Variants in DPP8 observed in about 807,000 individuals in gnomAD.
The protein encoded by DPP8 is dipeptidyl peptidase 8.
DPP8 carries 31 observed loss-of-function variants against 107.5 expected under a neutral mutation model. The observed-to-expected ratio is 0.29, with a 90% CI of 0.22 to 0.39. DPP8 has a LOEUF of 0.39. DPP8 is among the 10% of genes least tolerant of loss of function. The pLI is 1.00. For synonymous variants in DPP8, 381 were observed against 356.6 expected (o/e 1.07, Z -0.77); for missense variants, 842 against 1,076.1 (o/e 0.78, Z 3.04).
chr15:65,516,793 A>G (rs936039789), intron 1 of DPP8: 83 of 152,234 alleles, frequency 5.5e-4, no homozygotes, highest in African/African-American at 2.0e-3. Context: ...TAGGGTCCAC[A>G]CCTAGTTGAG....
chr15:65,466,039 G>A (rs916927755), intron 14 of DPP8, among the ~76,000 whole-genome samples: 1 of 152,144 alleles, frequency 6.6e-6, no homozygotes, highest in Non-Finnish European at 1.5e-5. Context: ...AGTCTTACTA[G>A]TTCAGAATAC....
At chr15:65,512,040 T>G in intron 2 of DPP8, 1 of 617,764 alleles carries the variant, frequency 1.6e-6, no homozygotes, top group East Asian at 3.4e-5. Flanking sequence ...TCAAGCTAGC[T>G]TTAGGAAGAA....
At chr15:65,477,917 T>G (rs2066549499) in intron 11 of DPP8, among the ~76,000 whole-genome samples, 1 of 152,166 alleles carries the variant, frequency 6.6e-6, no homozygotes, top group Admixed American at 6.6e-5. Flanking sequence ...TATCATAAAG[T>G]GCTTCCTATT....
intron 12 of DPP8, among the ~76,000 whole-genome samples, chr15:65,469,348 C>T (rs1346136971): frequency 6.9e-6 from 1 of 144,486 alleles, no homozygotes; most frequent in East Asian, 2.0e-4. Flanking sequence ...TGAGAACCAC[C>T]CTTAACAATA....
chr15:65,450,021 G>A (rs1306231772), intron 19 of DPP8, among the ~76,000 whole-genome samples: 1 of 151,754 alleles, frequency 6.6e-6, no homozygotes, highest in African/African-American at 2.4e-5. Context: ...AGGCTGGAGT[G>A]CAATAGCGCG....
At chr15:65,502,187 C>A (rs532772513) in intron 3 of DPP8, among the ~76,000 whole-genome samples, 3 of 152,226 alleles carry the variant, frequency 2.0e-5, no homozygotes, top group African/African-American at 7.2e-5. Context: ...CCAAGCCTGG[C>A]CCTCATGAAA....
At chr15:65,476,980 T>C (rs1283231546) in intron 11 of DPP8, among the ~76,000 whole-genome samples, 1 of 152,044 alleles carries the variant, frequency 6.6e-6, no homozygotes, top group Non-Finnish European at 1.5e-5. Flanking sequence ...AAATAAGACA[T>C]CTAGAGTAGT....
intron 12 of DPP8, among the ~76,000 whole-genome samples, chr15:65,472,418 C>G (rs1468745731): frequency 6.6e-6 from 1 of 152,038 alleles, no homozygotes; most frequent in African/African-American, 2.4e-5. Context: ...CTCAGCCTTC[C>G]AACTAGCTGG....
Position 65,487,731 on chromosome 15 carries a change from A to G in DPP8, c.914T>C (p.Leu305Ser). ...VEIIHVTSPMLETRRADSFRY... is the reference protein window; with the variant it reads ...VEIIHVTSPMSETRRADSFRY... The stretch of plus-strand genomic sequence containing the variant: ...GAATGAATCTGCCCTCCTTGTTTCC[A>G]ACATAGGGGATGTAACATGAATAAT... Residue 305 changes from leucine (L) to serine (S), a missense_variant, in exon 7 of 20, where the codon TTG becomes TCG. Coordinates refer to ENST00000300141, the MANE Select transcript of DPP8 (RefSeq NM_130434.5). The G allele has an allele frequency of 6.2e-7, 1 of 1,609,730 alleles. No homozygotes were observed. Among genetic ancestry groups the G allele is most frequent in the East Asian group, 2.2e-5 (1 of 44,714 alleles).
At chr15:65,453,922 A>G (rs2064183854) in intron 17 of DPP8, among the ~76,000 whole-genome samples, 1 of 152,126 alleles carries the variant, frequency 6.6e-6, no homozygotes, top group African/African-American at 2.4e-5. Flanking sequence ...AGCCTAGCCA[A>G]TATGGTGAAA....
chr15:65,492,036 T>C (rs185353165), intron 5 of DPP8, among the ~76,000 whole-genome samples: 21 of 147,224 alleles, frequency 1.4e-4, no homozygotes, highest in Non-Finnish European at 2.7e-4. Flanking sequence ...CCGGCCACAT[T>C]ATTACTGTGT....
chr15:65,454,225 C>T, intron 17 of DPP8, 38 bp downstream of exon 17: 1 of 1,413,344 alleles, frequency 7.1e-7, no homozygotes, highest in Non-Finnish European at 9.3e-7. Flanking sequence ...AAAAATCTAC[C>T]CTTATTGCAA....
chr15:65,485,544 C>CA (rs56940292), intron 7 of DPP8, among the ~76,000 whole-genome samples: 8,730 of 60,812 alleles, frequency 0.14, 539 homozygotes, highest in Non-Finnish European at 0.19. Flanking sequence ...GACTCCATCT[C>CA]AAAAAAAAAA....
chr15:65,453,468 T>C (rs1457580615), intron 17 of DPP8, among the ~76,000 whole-genome samples: 1 of 152,132 alleles, frequency 6.6e-6, no homozygotes, highest in Non-Finnish European at 1.5e-5. Context: ...TATATATATC[T>C]ACACACATAA....
At chr15:65,487,667 T>A in intron 7 of DPP8, 23 bp downstream of exon 7, 1 of 1,592,778 alleles carries the variant, frequency 6.3e-7, no homozygotes, top group Non-Finnish European at 8.5e-7. Context: ...TGAGTGAATA[T>A]AAATGCCAAT....
intron 19 of DPP8, chr15:65,450,773 C>T (rs1220097004): frequency 5.2e-6 from 2 of 381,658 alleles, no homozygotes; most frequent in African/African-American, 4.2e-5. Context: ...AAAGCAGATA[C>T]AGACACACAG....
At chr15:65,455,534 T>TA (rs1198620817) in intron 16 of DPP8, 26 of 448,946 alleles carry the variant, frequency 5.8e-5, no homozygotes, top group Admixed American at 4.8e-5. Flanking sequence ...GAACTGAACA[T>TA]ACTACTTCTT....
chr15:65,465,431 G>C (rs1381805279), intron 14 of DPP8, among the ~76,000 whole-genome samples: 1 of 151,836 alleles, frequency 6.6e-6, no homozygotes, highest in Admixed American at 6.6e-5. Context: ...GCCTCCCAAA[G>C]TGCTGGGATT....
At chr15:65,479,366 A>G (rs1457000508) in intron 10 of DPP8, among the ~76,000 whole-genome samples, 1 of 152,206 alleles carries the variant, frequency 6.6e-6, no homozygotes, top group African/African-American at 2.4e-5. Context: ...TTGTTACAGA[A>G]AGATGAGGTA....
Sources: gnomAD v4.1 joint callset for allele counts (sites outside exome capture counted in the v4.1 genomes callset) on GRCh38, gnomAD v4.1.1 for gene constraint, MANE v1.5 for transcripts, NCBI Gene and HGNC (gene_info 2026-07-23, HGNC 2026-07-21) for gene names.